Variants in SRSF11 observed in about 807,000 individuals in gnomAD.
The protein encoded by SRSF11 is serine/arginine-rich splicing factor 11.
A neutral mutation model predicts 56.0 loss-of-function variants in SRSF11; 9 were observed. The observed-to-expected ratio is 0.16, with a 90% CI of 0.10 to 0.28. The LOEUF is 0.28. Ranked by LOEUF, SRSF11 falls within the 10% of genes least tolerant of loss-of-function variation. SRSF11 has a pLI of 1.00. For synonymous variants in SRSF11, 222 were observed against 215.3 expected (o/e 1.03, Z -0.27); for missense variants, 421 against 600.7 (o/e 0.70, Z 3.13).
At chr1:70,232,801 G>T (rs1395157198) in intron 3 of SRSF11, among the ~76,000 whole-genome samples, 1 of 151,990 alleles carries the variant, frequency 6.6e-6, no homozygotes, top group South Asian at 2.1e-4. Context: ...TAGGTGGCTT[G>T]AAAACAAAGG....
At chr1:70,231,780 A>G in intron 2 of SRSF11, 4 of 1,299,288 alleles carry the variant, frequency 3.1e-6, no homozygotes, top group Non-Finnish European at 4.0e-6. Context: ...AGAAAATCAT[A>G]GTAACTGTAC....
rs926096938 is a variant in SRSF11 at position 70,251,903 on chromosome 1, T to A, written c.*1098T>A. 1 of 152,608 alleles carries A rather than the reference T, an allele frequency of 6.6e-6. No homozygotes were observed. The highest frequency in any genetic ancestry group is 2.4e-5 in the African/African-American group (1 of 41,454). 9.5% of individuals were successfully genotyped at this position (152,608 alleles called of 1,614,324 possible). On this transcript the variant is annotated 3_prime_UTR_variant, in exon 12 of 12. Coordinates refer to ENST00000370949, the MANE Select transcript of SRSF11 (RefSeq NM_001350605.2). The stretch of plus-strand genomic sequence containing the variant: ...TTACAGAAGTTTCAAGCTTCACTTT[T>A]GTGCAGTAGAAACAAAAGTAGGCTA...
intron 7 of SRSF11, among the ~76,000 whole-genome samples, chr1:70,241,028 T>A (rs970262781): frequency 6.6e-6 from 1 of 152,150 alleles, no homozygotes; most frequent in Non-Finnish European, 1.5e-5. Flanking sequence ...CACCTTGGCC[T>A]CCCAAAGTGC....
At chr1:70,205,722 A>G, upstream of SRSF11, 1 of 537,400 alleles carries the variant, frequency 1.9e-6, no homozygotes, top group Non-Finnish European at 3.2e-6. Flanking sequence ...GGGCTGGAGG[A>G]CAGAGAAGCC....
chr1:70,244,002 C>T (rs1676156396), intron 7 of SRSF11, among the ~76,000 whole-genome samples: 3 of 151,958 alleles, frequency 2.0e-5, no homozygotes, highest in African/African-American at 7.3e-5. Flanking sequence ...GGGCTCGGTG[C>T]AGGGAGTAGA....
intron 8 of SRSF11, among the ~76,000 whole-genome samples, chr1:70,245,087 C>T (rs1031307620): frequency 1.3e-5 from 2 of 152,132 alleles, no homozygotes; most frequent in Non-Finnish European, 2.9e-5. Flanking sequence ...TAAGAAATAC[C>T]GTAACGTTTT....
intron 9 of SRSF11, chr1:70,248,884 A>C (rs1677339175): frequency 6.6e-6 from 1 of 152,200 alleles, no homozygotes; most frequent in Non-Finnish European, 1.5e-5. Context: ...AGTAGCAAAA[A>C]GTATAAGGTG....
chr1:70,223,932 T>C (rs1268015882), intron 1 of SRSF11, among the ~76,000 whole-genome samples: 2 of 152,204 alleles, frequency 1.3e-5, no homozygotes, highest in Non-Finnish European at 2.9e-5. Context: ...GTTGGCCTTC[T>C]TCATCTCTGG....
chr1:70,241,936 G>A (rs546499928), intron 7 of SRSF11, among the ~76,000 whole-genome samples: 7 of 152,242 alleles, frequency 4.6e-5, no homozygotes, highest in South Asian at 4.1e-4. Flanking sequence ...TGGGGAGGCC[G>A]AGGCGGAGGA....
At chr1:70,223,691 A>T (rs1671133816) in intron 1 of SRSF11, among the ~76,000 whole-genome samples, 1 of 152,240 alleles carries the variant, frequency 6.6e-6, no homozygotes. Flanking sequence ...GTGGCCTTCT[A>T]CATTTGATCA....
intron 7 of SRSF11, among the ~76,000 whole-genome samples, chr1:70,240,493 A>G (rs1675102721): frequency 6.6e-6 from 1 of 152,192 alleles, no homozygotes. Context: ...ATTACTTTGA[A>G]AATAATTTTG....
intron 3 of SRSF11, 133 bp downstream of exon 3, chr1:70,232,510 C>T (rs1673032600): frequency 1.5e-6 from 1 of 645,744 alleles, no homozygotes; most frequent in East Asian, 2.6e-5. Flanking sequence ...ATATCAAAAT[C>T]ACAAATAGTA....
chr1:70,247,534 T>C (rs1188609178), intron 9 of SRSF11, among the ~76,000 whole-genome samples: 5 of 152,030 alleles, frequency 3.3e-5, no homozygotes, highest in Non-Finnish European at 7.4e-5. Context: ...TAGGAGAAGG[T>C]TCATGCCATA....
At chr1:70,246,962 G>A in intron 9 of SRSF11, 55 bp downstream of exon 9, 1 of 1,422,354 alleles carries the variant, frequency 7.0e-7, no homozygotes. Flanking sequence ...GCTTCTAACA[G>A]TATCAGTACG....
chr1:70,217,137 G>C (rs1670080243), upstream of SRSF11, among the ~76,000 whole-genome samples: 1 of 151,912 alleles, frequency 6.6e-6, no homozygotes, highest in Non-Finnish European at 1.5e-5. Context: ...GGGGTTTTTT[G>C]TGTTTTTTTT....
intron 2 of SRSF11, chr1:70,231,356 T>A (rs940632841): frequency 3.2e-5 from 34 of 1,061,420 alleles, no homozygotes; most frequent in Non-Finnish European, 3.8e-5. Context: ...CTTTTGCTGT[T>A]GGATAGAATT....
upstream of SRSF11, among the ~76,000 whole-genome samples, chr1:70,217,577 C>T (rs1244017040): frequency 6.6e-6 from 1 of 152,096 alleles, no homozygotes; most frequent in Non-Finnish European, 1.5e-5. Context: ...AACAGATTTA[C>T]GTACATAATA....
intron 1 of SRSF11, among the ~76,000 whole-genome samples, chr1:70,228,188 C>T (rs1672225894): frequency 6.6e-6 from 1 of 152,096 alleles, no homozygotes; most frequent in South Asian, 2.1e-4. Flanking sequence ...TTGTTTTTAA[C>T]CTGATACACT....
intron 7 of SRSF11, 149 bp from the exon 8 acceptor site, chr1:70,244,535 C>A: frequency 1.2e-6 from 1 of 809,568 alleles, no homozygotes; most frequent in South Asian, 2.0e-5. Context: ...GGTGTTTGTT[C>A]TATGGGCTAA....
Sources: gnomAD v4.1 joint callset for allele counts (sites outside exome capture counted in the v4.1 genomes callset) on GRCh38, gnomAD v4.1.1 for gene constraint, MANE v1.5 for transcripts, NCBI Gene and HGNC (gene_info 2026-07-23, HGNC 2026-07-21) for gene names.